ANKHD1: variants seen among roughly 807,000 people sequenced by gnomAD.
ANKHD1 encodes the protein ankyrin repeat and KH domain-containing protein 1.
Under a neutral mutation model 230.5 loss-of-function variants are expected in ANKHD1, and 31 were observed. The observed-to-expected ratio is 0.13, with a 90% CI of 0.10 to 0.18. ANKHD1 has a LOEUF of 0.18. Ranked by LOEUF, ANKHD1 falls within the 10% of genes least tolerant of loss-of-function variation. The probability of loss-of-function intolerance (pLI) is 1.00; values close to 1 mark genes in which losing one functional copy is unlikely to be tolerated. For missense variants in ANKHD1, 2,256 were observed against 3,071.3 expected, an observed-to-expected ratio of 0.73 and a Z score of 6.27; for synonymous variants, 1,074 against 1,117.6, an observed-to-expected ratio of 0.96 and a Z score of 0.78.
intron 6 of ANKHD1, among the ~76,000 whole-genome samples, chr5:140,448,915 T>C (rs1054925758): frequency 6.6e-6 from 1 of 152,222 alleles, no homozygotes; most frequent in African/African-American, 2.4e-5. Flanking sequence ...CTCAGTGTTT[T>C]GATTAGATAA....
At chr5:140,457,552 T>G (rs1346743545) in intron 7 of ANKHD1, among the ~76,000 whole-genome samples, 1 of 152,066 alleles carries the variant, frequency 6.6e-6, no homozygotes, top group Non-Finnish European at 1.5e-5. Flanking sequence ...ATGTCCTTTG[T>G]AGGGACATGG....
In ANKHD1 at chr5:140,505,205, T is replaced by C. The variant is rs753551293; in HGVS notation, c.3234T>C (p.Asp1078=). 1 of 1,614,132 alleles carries C rather than the reference T, an allele frequency of 6.2e-7. No individual in the cohort carries two copies. Among genetic ancestry groups the C allele is most frequent in the Admixed American group, 1.7e-5 (1 of 60,030 alleles). ...TTGTATCTGTGCTCATTGCACGGGATGCCAAAATTGAACACAGAGACAAAA... is the reference window on the plus strand; with the variant it reads ...TTGTATCTGTGCTCATTGCACGGGACGCCAAAATTGAACACAGAGACAAAA... ...EELVSVLIAR[D]AKIEHRDKKG... The change falls in exon 17 of 34, where the codon GAT becomes GAC. Residue 1078 remains aspartate, a synonymous_variant. Transcript: ENST00000360839.
intron 24 of ANKHD1, among the ~76,000 whole-genome samples, chr5:140,518,038 C>A (rs1265765949): frequency 6.6e-6 from 1 of 152,018 alleles, no homozygotes; most frequent in Non-Finnish European, 1.5e-5. Flanking sequence ...AATTGATAGA[C>A]CACTAGCAAG....
In ANKHD1 at chr5:140,537,521, C is replaced by T. The variant is rs374563467; in HGVS notation, c.7160C>T (p.Ala2387Val). ...GGAGGGTCTGTTGCACAAGCCCCGG[C>T]GGGGACCAGTTTTGTCGCTCCCGTT... is the stretch of plus-strand genomic sequence containing the variant. Reference protein sequence around the residue: ...RQGGSVAQAPAGTSFVAPVGH... With the variant: ...RQGGSVAQAPVGTSFVAPVGH... The change falls in exon 31 of 34, where the codon GCG becomes GTG. Residue 2387 changes from alanine (A) to valine (V), a missense_variant. Ala to Val is a moderately conservative substitution (Grantham distance 64, BLOSUM62 0). Around this residue, in one of 13 missense-constraint regions of ANKHD1, gnomAD observed 778 missense variants for 966.5 expected, o/e 0.80. Transcript: ENST00000360839. 88 of 1,613,096 alleles carry T rather than the reference C, an allele frequency of 5.5e-5. No individual in the cohort carries two copies. The South Asian group carries it at 6.6e-4, about 12-fold the overall frequency.
At position 140,524,045 on chromosome 5, in the gene ANKHD1, AT is replaced by A; in HGVS notation, c.4318-20del. ...ACATTACTGCCTTATTGGTAAAATTATATACCTGCTTTATTTCCAGTCAAGA... is the reference window on the plus strand; with the variant it reads ...ACATTACTGCCTTATTGGTAAAATTAATACCTGCTTTATTTCCAGTCAAGA... On this transcript the variant is annotated intron_variant, in intron 24 of 33. Transcript: ENST00000360839. 1 of 1,558,564 alleles carries A rather than the reference AT, an allele frequency of 6.4e-7. No individual in the cohort carries two copies. Among genetic ancestry groups the A allele is most frequent in the South Asian group, 1.2e-5 (1 of 80,254 alleles).
rs1754213612 is a variant in ANKHD1 at position 140,539,542 on chromosome 5, C to T, written c.*124C>T. On this transcript the variant is annotated 3_prime_UTR_variant, in exon 34 of 34. Transcript: ENST00000360839. Reference sequence around the variant, plus strand: ...GGCTTTAGCAATGGAAATTTGATTGCCCATTGTATAAGAACAAATTGATTT... The same window carrying T: ...GGCTTTAGCAATGGAAATTTGATTGTCCATTGTATAAGAACAAATTGATTT... 6.6e-6 allele frequency: 7 copies of T among 1,067,954 alleles called. No homozygotes were observed. Among genetic ancestry groups the T allele is most frequent in the Non-Finnish European group, 9.5e-6 (7 of 737,288 alleles). 66.2% of individuals were successfully genotyped at this position (1,067,954 alleles called of 1,614,324 possible).
rs184364373 is a variant in ANKHD1 at position 140,403,086 on chromosome 5, C to T, written c.306+813C>T. ...CCGGGTTCAAGCGATTCTCCTGCCT[C>T]AGCCTCCCGAGTAGCTGGGATTACA... On this transcript the variant is annotated intron_variant, in intron 1 of 33. Coordinates refer to ENST00000360839, the MANE Select transcript of ANKHD1 (RefSeq NM_017747.3). Among the ~76,000 whole-genome samples, 38 of 146,636 alleles carry T rather than the reference C, an allele frequency of 2.6e-4. No homozygotes were observed. In the East Asian group the frequency reaches 5.4e-3, roughly 21 times the overall value.
At chr5:140,521,749 G>A (rs1371645410) in intron 24 of ANKHD1, among the ~76,000 whole-genome samples, 2 of 152,220 alleles carry the variant, frequency 1.3e-5, no homozygotes, top group Admixed American at 6.5e-5. Context: ...GGAGGCTGAA[G>A]TGGGCAGATC....
intron 1 of ANKHD1, among the ~76,000 whole-genome samples, chr5:140,428,650 G>GGGGAGA (rs1052998483): frequency 7.2e-5 from 11 of 152,260 alleles, no homozygotes; most frequent in African/African-American, 1.9e-4. Flanking sequence ...GGGAGACCGT[G>GGGGAGA]GGGAGAGGGA....
intron 24 of ANKHD1, among the ~76,000 whole-genome samples, chr5:140,521,872 G>A (rs1232038399): frequency 2.6e-5 from 4 of 152,202 alleles, no homozygotes; most frequent in Non-Finnish European, 5.9e-5. Context: ...CCAGCTACCT[G>A]GGAGGCTGAG....
At chr5:140,459,727 T>C (rs1775566008) in intron 9 of ANKHD1, among the ~76,000 whole-genome samples, 1 of 152,106 alleles carries the variant, frequency 6.6e-6, no homozygotes, top group South Asian at 2.1e-4. Context: ...TAACATCACA[T>C]TGTACCCCAT....
At chr5:140,502,234 C>A (rs1398168749) in intron 15 of ANKHD1, among the ~76,000 whole-genome samples, 1 of 152,024 alleles carries the variant, frequency 6.6e-6, no homozygotes, top group Admixed American at 6.6e-5. Context: ...CTTTTTAAAT[C>A]TCTTGCTACT....
intron 1 of ANKHD1, among the ~76,000 whole-genome samples, chr5:140,414,858 T>C (rs1771226862): frequency 6.6e-6 from 1 of 150,772 alleles, no homozygotes; most frequent in Non-Finnish European, 1.5e-5. Flanking sequence ...AAAAATTGTG[T>C]TGTTTGTTTT....
chr5:140,435,912 T>C (rs1197162884), intron 1 of ANKHD1, among the ~76,000 whole-genome samples, 192 bp from the exon 2 acceptor site: 2 of 152,222 alleles, frequency 1.3e-5, no homozygotes, highest in Non-Finnish European at 1.5e-5. Flanking sequence ...ATGTGTGTTA[T>C]ACCTGTAGTC....
At chr5:140,420,773 T>C (rs1057303341) in intron 1 of ANKHD1, among the ~76,000 whole-genome samples, 2 of 152,212 alleles carry the variant, frequency 1.3e-5, no homozygotes, top group South Asian at 4.1e-4. Context: ...GTAAGTCTTC[T>C]GACTTTGTTA....
chr5:140,464,677 G>A lies in ANKHD1; in HGVS notation c.1683G>A (p.Val561=). The change falls in exon 10 of 34, where the codon GTG becomes GTA. Residue 561 remains valine (V), a synonymous_variant. Transcript: ENST00000360839. ...TTTTTTGTTTGCTAGGCGCTAATGT[G>A]CATGCTACAACAGCAACAGGAGACA... ...VKYLLASGAN[V]HATTATGDTA... 6.3e-7 allele frequency: 1 copy of A among 1,584,714 alleles called. No homozygotes were observed. Among genetic ancestry groups the A allele is most frequent in the Non-Finnish European group, 8.6e-7 (1 of 1,159,768 alleles).
chr5:140,412,288 C>T (rs920146789), intron 1 of ANKHD1, among the ~76,000 whole-genome samples: 3 of 152,020 alleles, frequency 2.0e-5, no homozygotes, highest in African/African-American at 7.2e-5. Context: ...TGCCCACCTC[C>T]CAAAGTGCTG....
At position 140,505,547 on chromosome 5, in the gene ANKHD1, G is replaced by A. The variant is rs184041929; in HGVS notation, c.3263-177G>A. Among the ~76,000 whole-genome samples the A allele has an allele frequency of 1.6e-4, 25 of 152,234 alleles. No individual in the cohort carries two copies. In the East Asian group the frequency reaches 4.8e-3, roughly 29 times the overall value. ...TTTACCGACTTAGTTTTTTAATTAG[G>A]TGTTTATGGGTTTTTTGTCACTAAC... On this transcript the variant is annotated intron_variant, in intron 17 of 33. Coordinates refer to ENST00000360839, the MANE Select transcript of ANKHD1 (RefSeq NM_017747.3).
chr5:140,479,916 A>G (rs561416979), intron 10 of ANKHD1, among the ~76,000 whole-genome samples: 26 of 150,780 alleles, frequency 1.7e-4, no homozygotes, highest in Middle Eastern at 3.5e-3. Context: ...ACTCCTATAT[A>G]TATACATACA....
Sources: gnomAD v4.1 joint callset for allele counts (sites outside exome capture counted in the v4.1 genomes callset) on GRCh38, gnomAD v4.1.1 for gene constraint, gnomAD v4.1.1 regional missense constraint, MANE v1.5 for transcripts, NCBI Gene and HGNC (gene_info 2026-07-23, HGNC 2026-07-21) for gene names.